The following CACNA2D3 variants were observed in gnomAD, a reference collection of about 807,000 sequenced individuals.
The protein encoded by CACNA2D3 is calcium voltage-gated channel auxiliary subunit alpha2delta 3, also known as voltage-dependent calcium channel subunit alpha-2/delta-3.
In CACNA2D3, 60 loss-of-function variants were observed where a neutral mutation model predicts 160.6. That is an observed-to-expected ratio of 0.37 (90% CI 0.30 to 0.46). CACNA2D3 has a LOEUF of 0.46. CACNA2D3 is among the 20% of genes least tolerant of loss of function. CACNA2D3 has a pLI of 1.00. For synonymous variants in CACNA2D3, 558 were observed against 492.9 expected (o/e 1.13, Z -1.75); for missense variants, 1,205 against 1,365.0 (o/e 0.88, Z 1.85).
At chr3:54,529,128 G>T (rs1480679945) in intron 5 of CACNA2D3, among the ~76,000 whole-genome samples, 1 of 152,224 alleles carries the variant, frequency 6.6e-6, no homozygotes, top group Non-Finnish European at 1.5e-5. Context: ...GCACAGGGGT[G>T]CCACCATGAT....
chr3:54,359,619 G>T (rs551276927), intron 3 of CACNA2D3, among the ~76,000 whole-genome samples: 2 of 152,214 alleles, frequency 1.3e-5, no homozygotes, highest in South Asian at 4.2e-4. Context: ...GGAAATCAAG[G>T]GTTCCATGGT....
intron 11 of CACNA2D3, among the ~76,000 whole-genome samples, chr3:54,728,008 G>C (rs1246360706): frequency 6.6e-6 from 1 of 152,102 alleles, no homozygotes; most frequent in East Asian, 1.9e-4. Flanking sequence ...TTCTTTAGCT[G>C]ACTTTAAGAT....
At chr3:54,740,902 G>C (rs1324103751) in intron 11 of CACNA2D3, among the ~76,000 whole-genome samples, 1 of 152,196 alleles carries the variant, frequency 6.6e-6, no homozygotes, top group African/African-American at 2.4e-5. Flanking sequence ...CAAAACTCCT[G>C]ACTCCTCGAC....
chr3:54,717,725 GGT>G (rs370029148), intron 11 of CACNA2D3, among the ~76,000 whole-genome samples: 83 of 137,914 alleles, frequency 6.0e-4, no homozygotes, highest in Admixed American at 1.9e-3. Flanking sequence ...GTGCGTGTGC[GGT>G]GTGTGTGTGC....
At chr3:54,708,997 A>G (rs1054982395) in intron 11 of CACNA2D3, among the ~76,000 whole-genome samples, 1 of 145,448 alleles carries the variant, frequency 6.9e-6, no homozygotes, top group Admixed American at 7.1e-5. Context: ...ACCTAATTCT[A>G]TACCCATCTT....
At chr3:54,723,421 T>G (rs1701212936) in intron 11 of CACNA2D3, among the ~76,000 whole-genome samples, 1 of 152,196 alleles carries the variant, frequency 6.6e-6, no homozygotes, top group South Asian at 2.1e-4. Context: ...TTGCTGGCAT[T>G]CCAGGCGCCA....
chr3:54,280,856 T>TAA (rs1370709671), intron 2 of CACNA2D3, among the ~76,000 whole-genome samples: 2 of 152,220 alleles, frequency 1.3e-5, no homozygotes, highest in Non-Finnish European at 2.9e-5. Flanking sequence ...GAAATGCCTT[T>TAA]AATGCTCAAG....
At chr3:54,846,296 T>A in intron 16 of CACNA2D3, 97 bp from the exon 17 acceptor site, 1 of 718,464 alleles carries the variant, frequency 1.4e-6, no homozygotes, top group East Asian at 2.7e-5. Flanking sequence ...GAATGACAAG[T>A]TAAAGCTGTA....
At chr3:55,062,011 G>C (rs1454043488) in intron 35 of CACNA2D3, among the ~76,000 whole-genome samples, 1 of 152,194 alleles carries the variant, frequency 6.6e-6, no homozygotes, top group African/African-American at 2.4e-5. Context: ...CTTGAAGAAT[G>C]GTGAGAATAA....
intron 24 of CACNA2D3, 82 bp from the exon 25 acceptor site, chr3:54,891,273 A>C (rs1364742483): frequency 5.5e-6 from 5 of 909,850 alleles, no homozygotes; most frequent in Non-Finnish European, 8.7e-6. Flanking sequence ...TTTGGTAAAA[A>C]CATTCTGTGA....
chr3:55,031,605 G>A (rs991923157), intron 35 of CACNA2D3, among the ~76,000 whole-genome samples: 3 of 152,006 alleles, frequency 2.0e-5, no homozygotes, highest in South Asian at 2.1e-4. Context: ...TTTAGTAACC[G>A]CCCACCTTTT....
chr3:54,522,577 A>C (rs1575501973), intron 5 of CACNA2D3, among the ~76,000 whole-genome samples: 1 of 152,166 alleles, frequency 6.6e-6, no homozygotes, highest in South Asian at 2.1e-4. Flanking sequence ...ATTGAACAGA[A>C]ATTTATTTTG....
chr3:54,178,043 T>C (rs1338215815), intron 2 of CACNA2D3: 1 of 152,160 alleles, frequency 6.6e-6, no homozygotes, highest in South Asian at 2.1e-4. Context: ...CTCACTCCAG[T>C]TTCCATAGAG....
rs1249667429 is a variant in CACNA2D3 at position 54,822,840 on chromosome 3, C to CT, written c.1398+5973dup. On this transcript the variant is annotated intron_variant, in intron 14 of 37. Transcript: ENST00000474759. Reference sequence around the variant, plus strand: ...CTTTCTTTCTTTCTTTCTTTTCTTTCTTTCTTTCTTTCTTTCTTTCTTTTT... The same window carrying CT: ...CTTTCTTTCTTTCTTTCTTTTCTTTCTTTTCTTTCTTTCTTTCTTTCTTTTT... 5.8e-4 allele frequency among the ~76,000 whole-genome samples: 60 copies of CT among 103,750 alleles called. 2 individuals carry two copies. Among genetic ancestry groups the CT allele is most frequent in the African/African-American group, 2.2e-3 (52 of 24,074 alleles). The allele number at this position is 103,750 out of a possible 152,430, so 68.1% of individuals were successfully genotyped here.
At chr3:55,002,224 C>A (rs915926813) in intron 31 of CACNA2D3, among the ~76,000 whole-genome samples, 2 of 152,070 alleles carry the variant, frequency 1.3e-5, no homozygotes, top group African/African-American at 4.8e-5. Flanking sequence ...CCATGGCCAT[C>A]CTGCATCCAT....
At chr3:54,614,035 G>T (rs2106792946) in intron 9 of CACNA2D3, among the ~76,000 whole-genome samples, 1 of 152,310 alleles carries the variant, frequency 6.6e-6, no homozygotes, top group African/African-American at 2.4e-5. Flanking sequence ...TCTGCAGGAA[G>T]AGACCAGGTC....
intron 35 of CACNA2D3, among the ~76,000 whole-genome samples, chr3:55,049,941 T>A (rs956291167): frequency 6.6e-6 from 1 of 150,662 alleles, no homozygotes; most frequent in African/African-American, 2.5e-5. Flanking sequence ...CCTTTTTTTG[T>A]TTTCCATTGG....
chr3:54,765,509 G>T (rs1175401828), intron 13 of CACNA2D3, among the ~76,000 whole-genome samples: 1 of 152,154 alleles, frequency 6.6e-6, no homozygotes, highest in Non-Finnish European at 1.5e-5. Flanking sequence ...AAAATAAGCT[G>T]CCCCATTTAT....
chr3:54,691,043 T>G (rs1422865875), intron 11 of CACNA2D3, among the ~76,000 whole-genome samples: 1 of 152,166 alleles, frequency 6.6e-6, no homozygotes, highest in Non-Finnish European at 1.5e-5. Flanking sequence ...TGTGCGTGTG[T>G]CTGTGTGTGT....
Sources: gnomAD v4.1 joint callset for allele counts (sites outside exome capture counted in the v4.1 genomes callset) on GRCh38, gnomAD v4.1.1 for gene constraint, MANE v1.5 for transcripts, NCBI Gene and HGNC (gene_info 2026-07-23, HGNC 2026-07-21) for gene names.